Variants in PARG observed in about 807,000 individuals in gnomAD.
The protein encoded by PARG is poly(ADP-ribose) glycohydrolase, also known as mitochondrial poly(ADP-ribose) glycohydrolase.
PARG carries 35 observed loss-of-function variants against 113.0 expected under a neutral mutation model. The ratio of observed to expected loss-of-function variants is 0.31; its 90% CI spans 0.24 to 0.41. PARG has a LOEUF of 0.41. Ranked by LOEUF, PARG falls within the 10% of genes least tolerant of loss-of-function variation. The pLI is 1.00. For synonymous variants in PARG, 330 were observed against 409.9 expected, an observed-to-expected ratio of 0.81 and a Z score of 2.36; for missense variants, 797 against 1,169.4, an observed-to-expected ratio of 0.68 and a Z score of 4.64.
intron 6 of PARG, among the ~76,000 whole-genome samples, chr10:49,917,557 A>G (rs189883297): frequency 4.5e-3 from 689 of 151,566 alleles, no homozygotes; most frequent in East Asian, 0.018. Flanking sequence ...GGTGGCTCAC[A>G]CCTGTAATCA....
intron 6 of PARG, among the ~76,000 whole-genome samples, chr10:49,920,443 C>T (rs1294626594): frequency 1.6e-5 from 1 of 64,288 alleles, no homozygotes; most frequent in Non-Finnish European, 3.1e-5. Flanking sequence ...CAAGACCCAG[C>T]CTCAAATTAA....
intron 17 of PARG, among the ~76,000 whole-genome samples, 185 bp downstream of exon 17, chr10:49,819,980 G>C (rs538536135): frequency 2.0e-5 from 3 of 152,276 alleles, no homozygotes; most frequent in Non-Finnish European, 4.4e-5. Context: ...CAAGACTGTG[G>C]ATGAAACTCT....
At chr10:49,834,020 T>C (rs1554830732) in intron 15 of PARG, among the ~76,000 whole-genome samples, 1 of 152,198 alleles carries the variant, frequency 6.6e-6, no homozygotes, top group Non-Finnish European at 1.5e-5. Context: ...ATTCCTTCCA[T>C]ACCCTCCTAG....
rs781882432 is a variant in PARG at position 49,922,319 on chromosome 10, T to C, written c.1662+17A>G. ...CACAGGGCCCATAAACAGGCAAGCA[T>C]GGTAAAAACAACATACCTTCAAGTT... is the stretch of plus-strand genomic sequence containing the variant. On this transcript the variant is annotated intron_variant, in intron 6 of 17. Transcript: ENST00000616448. The C allele has an allele frequency of 3.2e-5, 51 of 1,589,328 alleles. No individual in the cohort carries two copies. The South Asian group carries it at 4.8e-4, about 15-fold the overall frequency.
At chr10:49,904,144 T>C (rs1374121043) in intron 7 of PARG, among the ~76,000 whole-genome samples, 1 of 151,658 alleles carries the variant, frequency 6.6e-6, no homozygotes, top group Non-Finnish European at 1.5e-5. Context: ...TGAGGCAGAA[T>C]AGGGCAGCTA....
intron 7 of PARG, among the ~76,000 whole-genome samples, chr10:49,904,741 C>T (rs552281113): frequency 1.3e-5 from 2 of 152,004 alleles, no homozygotes; most frequent in Admixed American, 1.3e-4. Context: ...CATGGTGAAA[C>T]CCCATCTCTA....
At chr10:49,819,726 T>A (rs190359786) in intron 17 of PARG, among the ~76,000 whole-genome samples, 6 of 152,332 alleles carry the variant, frequency 3.9e-5, no homozygotes, top group African/African-American at 1.4e-4. Context: ...AGGCTATCCA[T>A]GGTACACTGT....
chr10:49,889,072 T>TC (rs1446784563), intron 7 of PARG, among the ~76,000 whole-genome samples: 3 of 151,486 alleles, frequency 2.0e-5, no homozygotes, highest in African/African-American at 7.3e-5. Context: ...TTTTTTTTTT[T>TC]CTTTGCTGGG....
At chr10:49,884,071 G>A (rs1554839963) in intron 8 of PARG, among the ~76,000 whole-genome samples, 1 of 151,860 alleles carries the variant, frequency 6.6e-6, no homozygotes, top group East Asian at 1.9e-4. Context: ...CAACTTAGAG[G>A]TGTGTCCTTC....
At position 49,885,199 on chromosome 10, in the gene PARG, T is replaced by C. The variant is rs1847416443; in HGVS notation, c.1830+4A>G. On this transcript the variant is annotated splice_donor_region_variant and intron_variant, in intron 8 of 17. Coordinates refer to ENST00000616448, the MANE Select transcript of PARG (RefSeq NM_003631.5). ...AAGCTACTGAGGAAGCTACATCCAC[T>C]AACCTGGGTGCAAATATTTGGCAGA... 5.3e-6 allele frequency: 8 copies of C among 1,499,312 alleles called. No homozygotes were observed. In the South Asian group the frequency reaches 9.0e-5, roughly 17 times the overall value. 92.9% of individuals were successfully genotyped at this position (1,499,312 alleles called of 1,614,324 possible).
At chr10:49,927,410 GAAAGAA>G (rs1838258606) in intron 4 of PARG, among the ~76,000 whole-genome samples, 1 of 113,314 alleles carries the variant, frequency 8.8e-6, no homozygotes, top group African/African-American at 2.7e-5. Flanking sequence ...AAGAAAGAAA[GAAAGAA>G]AGAAAAATAA....
chr10:49,831,456 C>T (rs943520200), intron 16 of PARG, among the ~76,000 whole-genome samples: 8 of 152,080 alleles, frequency 5.3e-5, no homozygotes, highest in Non-Finnish European at 8.8e-5. Context: ...TCTTGGGTTC[C>T]TGGTAAAAGC....
At position 49,819,254 on chromosome 10, in the gene PARG, CTT is replaced by C. The variant is rs1340562159; in HGVS notation, c.*84_*85del. The C allele has an allele frequency of 3.7e-6, 4 of 1,081,062 alleles. No individual in the cohort carries two copies. The highest frequency in any genetic ancestry group is 4.0e-6 in the Non-Finnish European group (3 of 752,204). The allele number at this position is 1,081,062 out of a possible 1,614,324, so 67.0% of individuals were successfully genotyped here. A position where few individuals can be genotyped will look rare whatever the true frequency, so the allele number is the denominator to read the frequency against. On this transcript the variant is annotated 3_prime_UTR_variant, in exon 18 of 18. Coordinates refer to ENST00000616448, the MANE Select transcript of PARG (RefSeq NM_003631.5). ...TGGATTATGTACACATTTATATTAA[CTT>C]AAGTCAATTCATATATTACACCTGA...
intron 15 of PARG, among the ~76,000 whole-genome samples, chr10:49,836,766 T>C (rs1406196300): frequency 6.6e-6 from 1 of 152,216 alleles, no homozygotes; most frequent in African/African-American, 2.4e-5. Context: ...ATAACAGTCC[T>C]ATTCCAAATA....
chr10:49,881,850 C>A (rs1847231948), intron 8 of PARG, among the ~76,000 whole-genome samples: 1 of 152,160 alleles, frequency 6.6e-6, no homozygotes, highest in African/African-American at 2.4e-5. Flanking sequence ...TCTTAGCAAT[C>A]ACCATTTCTG....
At chr10:49,917,535 T>C (rs1285187716) in intron 6 of PARG, among the ~76,000 whole-genome samples, 2 of 149,002 alleles carry the variant, frequency 1.3e-5, no homozygotes, top group African/African-American at 4.9e-5. Context: ...ATTAAGAGAT[T>C]TTGGCCTGTA....
intron 13 of PARG, among the ~76,000 whole-genome samples, chr10:49,854,935 A>G (rs1845917897): frequency 6.6e-6 from 1 of 151,466 alleles, no homozygotes; most frequent in African/African-American, 2.4e-5. Context: ...TCCAGTTTTA[A>G]ATGAAAATTA....
intron 13 of PARG, among the ~76,000 whole-genome samples, chr10:49,856,686 A>G (rs1253017391): frequency 6.6e-6 from 1 of 152,096 alleles, no homozygotes; most frequent in East Asian, 1.9e-4. Flanking sequence ...GCATATCACT[A>G]TGTTCTTCTT....
intron 6 of PARG, 105 bp from the exon 7 acceptor site, chr10:49,916,096 G>GC: frequency 1.4e-6 from 1 of 712,724 alleles, no homozygotes; most frequent in Admixed American, 2.1e-5. Context: ...CATAATGTTA[G>GC]ACAAGCTTCC....
Sources: gnomAD v4.1 joint callset for allele counts (sites outside exome capture counted in the v4.1 genomes callset) on GRCh38, gnomAD v4.1.1 for gene constraint, MANE v1.5 for transcripts, NCBI Gene and HGNC (gene_info 2026-07-23, HGNC 2026-07-21) for gene names.